The following RINT1 variants were observed in gnomAD, a reference collection of about 807,000 sequenced individuals.
RINT1 encodes RAD50 interactor 1.
RINT1 carries 75 observed loss-of-function variants against 97.7 expected under a neutral mutation model. That is an observed-to-expected ratio of 0.77 (90% CI 0.64 to 0.93). The LOEUF (loss-of-function observed/expected upper bound fraction) is 0.93. RINT1 is among the 40% of genes least tolerant of loss of function. The pLI is 0.00. For synonymous variants in RINT1, 303 were observed against 326.3 expected (o/e 0.93, Z 0.77); for missense variants, 892 against 925.2 (o/e 0.96, Z 0.47).
At position 105,532,789 on chromosome 7, in the gene RINT1, T is replaced by C. The variant is rs376280480; in HGVS notation, c.43-35T>C. On this transcript the variant is annotated intron_variant, in intron 1 of 14. Coordinates refer to ENST00000257700, the MANE Select transcript of RINT1 (RefSeq NM_021930.6). The stretch of plus-strand genomic sequence containing the variant: ...GTATGCTTTCCATCCACGACTTTAA[T>C]CTTAATGTGCTTGTCACATCTGTTC... The C allele has an allele frequency of 4.3e-6, 7 of 1,612,474 alleles. No homozygotes were observed. The African/African-American group carries it at 9.4e-5, about 22-fold the overall frequency.
chr7:105,561,288 G>A lies in RINT1; in HGVS notation c.1672-2445G>A, dbSNP rs573490000. On this transcript the variant is annotated intron_variant, in intron 11 of 14. Transcript: ENST00000257700. ...CACACCTGTAATCTCAGCACTTTGG[G>A]AAGCCAAAGCGAGTGGATCACCTGA... Among the ~76,000 whole-genome samples, 4 of 152,080 alleles carry A rather than the reference G, an allele frequency of 2.6e-5. No homozygotes were observed. In the South Asian group the frequency reaches 8.3e-4, roughly 32 times the overall value.
intron 11 of RINT1, among the ~76,000 whole-genome samples, chr7:105,560,809 C>G (rs1232809360): frequency 6.6e-6 from 1 of 152,024 alleles, no homozygotes; most frequent in Non-Finnish European, 1.5e-5. Context: ...CAACTTCTGC[C>G]TCCCAGGTTC....
chr7:105,551,205 T>C (rs1790910523), intron 9 of RINT1, among the ~76,000 whole-genome samples: 1 of 152,030 alleles, frequency 6.6e-6, no homozygotes, highest in South Asian at 2.1e-4. Context: ...ACTTTTTGTA[T>C]TTTTTGTAGA....
intron 3 of RINT1, among the ~76,000 whole-genome samples, chr7:105,540,290 T>C (rs1246126470): frequency 6.6e-6 from 1 of 151,864 alleles, no homozygotes; most frequent in Non-Finnish European, 1.5e-5. Flanking sequence ...TGAGACAGAG[T>C]CTCACTCTGT....
At chr7:105,555,750 A>G (rs1406599811) in intron 11 of RINT1, among the ~76,000 whole-genome samples, 1 of 152,112 alleles carries the variant, frequency 6.6e-6, no homozygotes, top group Admixed American at 6.6e-5. Context: ...GGAGGCTGAG[A>G]TGGGAGAATT....
At chr7:105,539,355 CTT>C (rs56362601) in intron 3 of RINT1, among the ~76,000 whole-genome samples, 41 of 131,658 alleles carry the variant, frequency 3.1e-4, no homozygotes, top group African/African-American at 1.1e-3. Flanking sequence ...CTTTCCCACT[CTT>C]TTTTTTTTTT....
In RINT1 at chr7:105,551,687, C is replaced by G; in HGVS notation, c.1451C>G (p.Thr484Ser). 6.2e-7 allele frequency: 1 copy of G among 1,608,022 alleles called. No homozygotes were observed. Among genetic ancestry groups the G allele is most frequent in the Non-Finnish European group, 8.5e-7 (1 of 1,177,398 alleles). Reference sequence around the variant, plus strand: ...CCAGATTGTGCAGAAACTTTTATGACTCTACTCTTGGTTATAACTGGTAAG... The same window carrying G: ...CCAGATTGTGCAGAAACTTTTATGAGTCTACTCTTGGTTATAACTGGTAAG... ...KVPDCAETFM[T>S]LLLVITDRYK... is the part of the protein sequence containing the mutation. Residue 484 changes from threonine (T) to serine (S), a missense_variant, in exon 10 of 15, where the codon ACT (threonine) becomes AGT (serine). Thr to Ser is a moderately conservative substitution (Grantham distance 58). Transcript: ENST00000257700.
At position 105,536,547 on chromosome 7, in the gene RINT1, G is replaced by T. The variant is rs1790242650; in HGVS notation, c.89-18G>T. The T allele has an allele frequency of 1.3e-6, 2 of 1,528,914 alleles. No individual in the cohort carries two copies. Among genetic ancestry groups the T allele is most frequent in the South Asian group, 1.2e-5 (1 of 81,700 alleles). The allele number at this position is 1,528,914 out of a possible 1,614,324, so 94.7% of individuals were successfully genotyped here. On this transcript the variant is annotated intron_variant, in intron 2 of 14. Transcript: ENST00000257700. ...TAGTACTTAGTGGCGTTGAGTAATTGTTATTCTTTTGTTGTAGGTGACATA... is the reference window on the plus strand; with the variant it reads ...TAGTACTTAGTGGCGTTGAGTAATTTTTATTCTTTTGTTGTAGGTGACATA...
Position 105,550,180 on chromosome 7 carries a change from C to A in RINT1, c.1107+15C>A. 1 of 1,603,686 alleles carries A rather than the reference C, an allele frequency of 6.2e-7. No homozygotes were observed. Among genetic ancestry groups the A allele is most frequent in the South Asian group, 1.1e-5 (1 of 90,746 alleles). ...TAAACGCAAGGGTAAGAGACTCAGT[C>A]ATAAGTGTTTCTGTTTTAGAACTGT... On this transcript the variant is annotated intron_variant, in intron 8 of 14. Transcript: ENST00000257700.
At position 105,550,407 on chromosome 7, in the gene RINT1, T is replaced by C. The variant is rs1348726352; in HGVS notation, c.1254T>C (p.Tyr418=). The stretch of plus-strand genomic sequence containing the variant: ...GGGAGCTACACAGTGTTCATGGCTA[T>C]CCTGGCACTTTTGCTAGTTGTATGC... ...FERELHSVHG[Y]PGTFASCMHI... The change falls in exon 9 of 15, where the codon TAT becomes TAC. Residue 418 remains tyrosine, a synonymous_variant. Coordinates refer to ENST00000257700, the MANE Select transcript of RINT1 (RefSeq NM_021930.6). The C allele has an allele frequency of 6.8e-6, 11 of 1,614,082 alleles. No individual in the cohort carries two copies. The highest frequency in any genetic ancestry group is 9.3e-6 in the Non-Finnish European group (11 of 1,180,022).
intron 11 of RINT1, among the ~76,000 whole-genome samples, chr7:105,561,113 A>T (rs1206033207): frequency 6.9e-6 from 1 of 145,186 alleles, no homozygotes; most frequent in African/African-American, 2.6e-5. Context: ...AAAAAAAAAA[A>T]AACCTTGGCA....
Position 105,565,340 on chromosome 7 carries a change from G to T in RINT1, c.1950G>T (p.Pro650=), listed in dbSNP as rs147409665. Residue 650 remains proline, a synonymous_variant, in exon 13 of 15, where the codon CCG becomes CCT. Coordinates refer to ENST00000257700, the MANE Select transcript of RINT1 (RefSeq NM_021930.6). ...TGTCCCTGTCCAGTTCGGCTTGCCC[G>T]TTGCTGCTGACGTTACGAGACCATT... ...AVMSLSSSAC[P]LLLTLRDHLL... is the part of the protein sequence containing the mutation. 16 of 1,614,086 alleles carry T rather than the reference G, an allele frequency of 9.9e-6. No homozygotes were observed. The highest frequency in any genetic ancestry group is 1.2e-5 in the Non-Finnish European group (14 of 1,180,034).
intron 14 of RINT1, among the ~76,000 whole-genome samples, chr7:105,566,130 T>A (rs933614611): frequency 3.4e-5 from 5 of 147,146 alleles, no homozygotes; most frequent in Admixed American, 3.4e-4. Flanking sequence ...AAAAAAAAAT[T>A]AGCCAGGCCT....
intron 2 of RINT1, among the ~76,000 whole-genome samples, chr7:105,534,127 G>T (rs1416097000): frequency 6.6e-6 from 1 of 151,692 alleles, no homozygotes; most frequent in Non-Finnish European, 1.5e-5. Flanking sequence ...CTGGAGTGCA[G>T]TGGCGCGATC....
rs976321380 is a variant in RINT1 at position 105,551,727 on chromosome 7, T to G, written c.1471+20T>G. On this transcript the variant is annotated intron_variant, in intron 10 of 14. Transcript: ENST00000257700. ...TAACTGGTAAGTATGTCTTTTAAGA[T>G]ATGACTTTGTTTTAAAAGTACTGTT... The G allele has an allele frequency of 6.4e-7, 1 of 1,569,670 alleles. No homozygotes were observed. The highest frequency in any genetic ancestry group is 8.6e-7 in the Non-Finnish European group (1 of 1,156,976).
chr7:105,535,455 C>T (rs1166510448), intron 2 of RINT1: 3 of 396,700 alleles, frequency 7.6e-6, no homozygotes, highest in East Asian at 1.5e-4. Context: ...GTCTCGAACT[C>T]CTGACCTTGT....
At chr7:105,538,860 A>G (rs1368780826) in intron 3 of RINT1, among the ~76,000 whole-genome samples, 1 of 152,192 alleles carries the variant, frequency 6.6e-6, no homozygotes, top group African/African-American at 2.4e-5. Flanking sequence ...TCTCTCTGCC[A>G]CCTCAGTAAA....
At chr7:105,540,308 G>A (rs1790406199) in intron 3 of RINT1, among the ~76,000 whole-genome samples, 1 of 151,752 alleles carries the variant, frequency 6.6e-6, no homozygotes, top group South Asian at 2.1e-4. Context: ...TGTCGCCCAG[G>A]CTGGAGTGCA....
chr7:105,535,688 A>G, intron 2 of RINT1: 1 of 401,824 alleles, frequency 2.5e-6, no homozygotes, highest in Non-Finnish European at 4.9e-6. Context: ...ACCTGAGACT[A>G]CAGGTGTGTT....
Sources: gnomAD v4.1 joint callset for allele counts (sites outside exome capture counted in the v4.1 genomes callset) on GRCh38, gnomAD v4.1.1 for gene constraint, MANE v1.5 for transcripts, NCBI Gene and HGNC (gene_info 2026-07-23, HGNC 2026-07-21) for gene names.